Variants in MDGA2 observed in about 807,000 individuals in gnomAD.
MDGA2 encodes the protein MAM domain containing glycosylphosphatidylinositol anchor 2, also known as MAM domain-containing glycosylphosphatidylinositol anchor protein 2.
MDGA2 carries 40 observed loss-of-function variants against 117.8 expected under a neutral mutation model. The ratio of observed to expected loss-of-function variants is 0.34; its 90% confidence interval spans 0.26 to 0.44. MDGA2 has a LOEUF of 0.44. Among genes scored for constraint, MDGA2 ranks in the 20% least tolerant of loss-of-function variants. MDGA2 has a pLI of 1.00. For missense variants in MDGA2, 1,123 were observed against 1,250.6 expected, an observed-to-expected ratio of 0.90 and a Z score of 1.54; for synonymous variants, 452 against 439.0, an observed-to-expected ratio of 1.03 and a Z score of -0.37.
chr14:47,286,815 A>G (rs1888694621), intron 2 of MDGA2, among the ~76,000 whole-genome samples: 1 of 117,820 alleles, frequency 8.5e-6, no homozygotes, highest in Non-Finnish European at 1.9e-5. Flanking sequence ...ATATATATAT[A>G]TATATATATA....
intron 8 of MDGA2, among the ~76,000 whole-genome samples, chr14:46,988,536 T>A (rs1886953374): frequency 6.6e-6 from 1 of 152,002 alleles, no homozygotes; most frequent in African/African-American, 2.4e-5. Context: ...AGTGTAGCGG[T>A]TGGACACCAG....
intron 10 of MDGA2, among the ~76,000 whole-genome samples, chr14:46,893,285 T>TAAAAC (rs1315234173): frequency 4.6e-5 from 7 of 151,826 alleles, no homozygotes; most frequent in South Asian, 2.1e-4. Context: ...ATGTGGAATC[T>TAAAAC]AAAACAAAAC....
intron 1 of MDGA2, among the ~76,000 whole-genome samples, chr14:47,505,816 T>A (rs1036829093): frequency 2.6e-5 from 4 of 152,318 alleles, no homozygotes; most frequent in Admixed American, 2.6e-4. Flanking sequence ...TCGGCATATA[T>A]CCATTATGAG....
chr14:47,527,914 T>C (rs1895006328), intron 1 of MDGA2, among the ~76,000 whole-genome samples: 2 of 152,106 alleles, frequency 1.3e-5, no homozygotes, highest in African/African-American at 4.8e-5. Flanking sequence ...GCCAAATAAG[T>C]TCTTTAGTTT....
At chr14:47,293,882 T>G (rs986494380) in intron 2 of MDGA2, among the ~76,000 whole-genome samples, 1 of 152,086 alleles carries the variant, frequency 6.6e-6, no homozygotes, top group Non-Finnish European at 1.5e-5. Flanking sequence ...TATGTTAAAG[T>G]GTTGACCCCA....
chr14:46,965,081 G>A (rs1885973065), intron 8 of MDGA2, among the ~76,000 whole-genome samples: 1 of 140,444 alleles, frequency 7.1e-6, no homozygotes, highest in Admixed American at 7.5e-5. Flanking sequence ...CCGCCACCAC[G>A]CCCGGCTAAT....
At chr14:47,017,742 T>C (rs1888136030) in intron 8 of MDGA2, among the ~76,000 whole-genome samples, 1 of 152,106 alleles carries the variant, frequency 6.6e-6, no homozygotes, top group South Asian at 2.1e-4. Context: ...GAAAAATATA[T>C]GTTCTCAAAT....
chr14:47,651,753 TC>T (rs1472236312), intron 1 of MDGA2, among the ~76,000 whole-genome samples: 2 of 151,984 alleles, frequency 1.3e-5, no homozygotes, highest in African/African-American at 4.8e-5. Context: ...ACATCTGAGA[TC>T]TATTTTGCAG....
At chr14:46,944,730 C>A (rs1885113454) in intron 9 of MDGA2, among the ~76,000 whole-genome samples, 1 of 151,770 alleles carries the variant, frequency 6.6e-6, no homozygotes, top group Non-Finnish European at 1.5e-5. Context: ...TTAAGCCCAC[C>A]CATAGAATTT....
chr14:47,099,832 G>A lies in MDGA2; in HGVS notation c.926-2709C>T, dbSNP rs1289393284. On this transcript the variant is annotated intron_variant, in intron 5 of 16. Transcript: ENST00000399232. ...GAAGTATTTAGATAATTTAACATGC[G>A]TAATCTGAAGTCCTTTTGATAATAG... Among the ~76,000 whole-genome samples, 41 of 151,964 alleles carry A rather than the reference G, an allele frequency of 2.7e-4. 2 individuals carry two copies. The highest frequency in any genetic ancestry group is 2.5e-3 in the Admixed American group (38 of 15,228).
chr14:47,152,396 T>A (rs566325742), intron 3 of MDGA2, among the ~76,000 whole-genome samples: 3 of 152,274 alleles, frequency 2.0e-5, no homozygotes, highest in African/African-American at 7.2e-5. Context: ...CTAATATTTA[T>A]TGAATACCTA....
intron 1 of MDGA2, among the ~76,000 whole-genome samples, chr14:47,322,675 A>C (rs1458317335): frequency 6.6e-6 from 1 of 152,126 alleles, no homozygotes; most frequent in Non-Finnish European, 1.5e-5. Context: ...GATTCTATTT[A>C]CCATGTGTGG....
At chr14:47,296,435 C>T (rs1467973726) in intron 2 of MDGA2, among the ~76,000 whole-genome samples, 3 of 152,132 alleles carry the variant, frequency 2.0e-5, no homozygotes, top group South Asian at 2.1e-4. Context: ...GTATATTTGT[C>T]GTCACAAGTC....
At chr14:47,479,570 A>G (rs1312722254) in intron 1 of MDGA2, among the ~76,000 whole-genome samples, 1 of 152,148 alleles carries the variant, frequency 6.6e-6, no homozygotes, top group African/African-American at 2.4e-5. Flanking sequence ...ATAGTCCATA[A>G]ACCCAAAGGT....
Position 47,131,787 on chromosome 14 carries a change from G to A in MDGA2, c.852C>T (p.Ser284=), listed in dbSNP as rs1270263092. The A allele has an allele frequency of 6.3e-7, 1 of 1,594,854 alleles. No individual in the cohort carries two copies. Among genetic ancestry groups the A allele is most frequent in the South Asian group, 1.1e-5 (1 of 89,066 alleles). Residue 284 remains serine (S), a synonymous_variant, in exon 5 of 17, where the codon AGC becomes AGT. Coordinates refer to ENST00000399232, the MANE Select transcript of MDGA2 (RefSeq NM_001113498.3). ...NLRPQDYANY[S]CIASVRNVCN... is the part of the protein sequence containing the mutation. ...ATACATTCCTCACTGAAGCAATGCA[G>A]CTATAATTAGCATAGTCCTGAGGTC... is the stretch of plus-strand genomic sequence containing the variant.
chr14:46,899,939 G>T (rs1883220632), intron 10 of MDGA2, among the ~76,000 whole-genome samples: 1 of 151,966 alleles, frequency 6.6e-6, no homozygotes, highest in Non-Finnish European at 1.5e-5. Context: ...ATGTAGGAAA[G>T]AAATGTGTCA....
chr14:47,298,683 C>CTTTTTTTTT (rs66784813), intron 2 of MDGA2, among the ~76,000 whole-genome samples: 1 of 126,128 alleles, frequency 7.9e-6, no homozygotes, highest in Non-Finnish European at 1.6e-5. Context: ...CTTAATTTTT[C>CTTTTTTTTT]TTTTTTTTTT....
chr14:47,213,131 C>G (rs1885947253), intron 3 of MDGA2, among the ~76,000 whole-genome samples: 1 of 151,796 alleles, frequency 6.6e-6, no homozygotes, highest in South Asian at 2.1e-4. Context: ...GGTGCATTAG[C>G]CAAAAAAAAC....
chr14:47,468,485 T>G (rs1292563451), intron 1 of MDGA2, among the ~76,000 whole-genome samples: 1 of 152,146 alleles, frequency 6.6e-6, no homozygotes, highest in Admixed American at 6.6e-5. Context: ...TGAAGCCTAT[T>G]CAAAGAAAGG....
Sources: allele counts gnomAD v4.1 joint callset (sites outside exome capture counted in the v4.1 genomes callset), GRCh38; gene constraint gnomAD v4.1.1; transcripts MANE v1.5; gene names NCBI Gene and HGNC (gene_info 2026-07-23, HGNC 2026-07-21).